The following ZNF148 variants were observed in gnomAD, a reference collection of about 807,000 sequenced individuals.
ZNF148 encodes the protein zinc finger protein 148.
Under a neutral mutation model 67.7 loss-of-function variants are expected in ZNF148, and 7 were observed. The ratio of observed to expected loss-of-function variants is 0.10; its 90% confidence interval spans 0.06 to 0.19. The LOEUF is 0.19. Among genes scored for constraint, ZNF148 ranks in the 10% least tolerant of loss-of-function variants. The pLI is 1.00. For missense variants in ZNF148, 583 were observed against 947.1 expected, an observed-to-expected ratio of 0.62 and a Z score of 5.05; for synonymous variants, 333 against 330.7, an observed-to-expected ratio of 1.01 and a Z score of -0.08.
chr3:125,272,450 A>ACAT (rs1491332352), intron 7 of ZNF148, among the ~76,000 whole-genome samples: 1 of 152,236 alleles, frequency 6.6e-6, no homozygotes, highest in Non-Finnish European at 1.5e-5. Context: ...TACATAAAAT[A>ACAT]CATACACTTA....
Position 125,231,171 on chromosome 3 carries a change from T to TA in ZNF148, c.*1169dup, listed in dbSNP as rs983877352. ...GTGTTCATTAAAAAGTAACTCAAGA[T>TA]AAAATATGCAATTAAAATGCCCATT... is the stretch of plus-strand genomic sequence containing the variant. On this transcript the variant is annotated 3_prime_UTR_variant, in exon 9 of 9. Coordinates refer to ENST00000360647, the MANE Select transcript of ZNF148 (RefSeq NM_021964.3). 8.5e-5 allele frequency: 13 copies of TA among 152,500 alleles called. No homozygotes were observed. Among genetic ancestry groups the TA allele is most frequent in the African/African-American group, 3.1e-4 (13 of 41,424 alleles). The allele number at this position is 152,500 out of a possible 1,614,324, so 9.4% of individuals were successfully genotyped here.
At chr3:125,308,403 A>G (rs1481157499) in intron 4 of ZNF148, among the ~76,000 whole-genome samples, 1 of 152,124 alleles carries the variant, frequency 6.6e-6, no homozygotes, top group Non-Finnish European at 1.5e-5. Context: ...AAGAAAACCT[A>G]AATAAAAGTA....
chr3:125,268,619 G>A (rs1190409314), intron 7 of ZNF148, among the ~76,000 whole-genome samples: 2 of 152,092 alleles, frequency 1.3e-5, no homozygotes, highest in African/African-American at 4.8e-5. Context: ...GAAAACCTAG[G>A]AAATACCCTT....
At position 125,359,884 on chromosome 3, in the gene ZNF148, C is replaced by T. The variant is rs919919761; in HGVS notation, c.-234+15218G>A. Among the ~76,000 whole-genome samples the T allele has an allele frequency of 3.9e-5, 6 of 152,344 alleles. No individual in the cohort carries two copies. In the East Asian group the frequency reaches 7.7e-4, roughly 20 times the overall value. On this transcript the variant is annotated intron_variant, in intron 1 of 8. Coordinates refer to ENST00000360647, the MANE Select transcript of ZNF148 (RefSeq NM_021964.3). ...AGACCCAAGTGGGCGGCAGCCCACC[C>T]GCCACCATGCAGCTCCACGCCGCTG...
chr3:125,330,790 GTT>G (rs1471053291), intron 2 of ZNF148, among the ~76,000 whole-genome samples: 1 of 152,102 alleles, frequency 6.6e-6, no homozygotes, highest in East Asian at 1.9e-4. Context: ...CTTCTTTCAT[GTT>G]GTGTGAAAGA....
At chr3:125,244,440 T>C (rs766108593) in intron 7 of ZNF148, among the ~76,000 whole-genome samples, 1 of 152,196 alleles carries the variant, frequency 6.6e-6, no homozygotes, top group African/African-American at 2.4e-5. Flanking sequence ...CATATCAAAA[T>C]GGTTCTTGTA....
intron 1 of ZNF148, among the ~76,000 whole-genome samples, chr3:125,368,985 G>C (rs117649715): frequency 0.025 from 3,723 of 150,368 alleles, 82 homozygotes; most frequent in South Asian, 0.12. Context: ...TCTTGGGCTC[G>C]GCGCAGTGGC....
At chr3:125,255,516 G>T (rs1364681685) in intron 7 of ZNF148, among the ~76,000 whole-genome samples, 1 of 151,848 alleles carries the variant, frequency 6.6e-6, no homozygotes, top group African/African-American at 2.4e-5. Flanking sequence ...CAAAGTGCTG[G>T]GATTACAGGC....
intron 4 of ZNF148, among the ~76,000 whole-genome samples, chr3:125,305,101 T>C (rs1327816604): frequency 1.3e-5 from 2 of 152,140 alleles, no homozygotes; most frequent in African/African-American, 4.8e-5. Context: ...ATAAATAAAG[T>C]GTGATAAGGA....
intron 2 of ZNF148, 21 bp downstream of exon 2, chr3:125,331,137 A>T (rs1941273415): frequency 2.5e-6 from 1 of 398,436 alleles, no homozygotes; most frequent in East Asian, 3.6e-5. Context: ...TTAAAGATTG[A>T]CTCAAAGAAT....
chr3:125,264,103 C>T (rs747447787), intron 7 of ZNF148, among the ~76,000 whole-genome samples: 1 of 152,248 alleles, frequency 6.6e-6, no homozygotes, highest in Non-Finnish European at 1.5e-5. Context: ...GGGACCCTTC[C>T]AGACCTTGTC....
chr3:125,349,125 A>G (rs1381592077), intron 1 of ZNF148, among the ~76,000 whole-genome samples: 1 of 152,242 alleles, frequency 6.6e-6, no homozygotes, highest in Non-Finnish European at 1.5e-5. Context: ...CTGAAACTGT[A>G]AAACTCCTAG....
rs1279195259 is a variant in ZNF148, at chr3:125,329,045, G to GA, written c.-153+2112dup. ...TCTGTACATGTATAGAAATTGTCTGGAAGGATATACAATGATTATACTGAA... is the reference window on the plus strand; with the variant it reads ...TCTGTACATGTATAGAAATTGTCTGGAAAGGATATACAATGATTATACTGAA... On this transcript the variant is annotated intron_variant, in intron 2 of 8. Transcript: ENST00000360647. Among the ~76,000 whole-genome samples the GA allele has an allele frequency of 2.0e-5, 3 of 150,604 alleles. No individual in the cohort carries two copies. The Admixed American group carries it at 2.0e-4, about 10-fold the overall frequency.
At chr3:125,369,988 A>C (rs999401011) in intron 1 of ZNF148, among the ~76,000 whole-genome samples, 1 of 152,126 alleles carries the variant, frequency 6.6e-6, no homozygotes, top group Admixed American at 6.5e-5. Context: ...GTCTCAAAAA[A>C]AAAAAAATTG....
intron 4 of ZNF148, among the ~76,000 whole-genome samples, chr3:125,293,918 C>T (rs1939151299): frequency 6.6e-6 from 1 of 152,088 alleles, no homozygotes; most frequent in Non-Finnish European, 1.5e-5. Context: ...CAAAGTATCT[C>T]CTCCAAGATT....
At chr3:125,369,713 A>G (rs546130565) in intron 1 of ZNF148, among the ~76,000 whole-genome samples, 90 of 152,216 alleles carry the variant, frequency 5.9e-4, no homozygotes, top group Non-Finnish European at 1.1e-3. Context: ...TTCTCTCTCA[A>G]AAGAATGTAA....
intron 2 of ZNF148, among the ~76,000 whole-genome samples, chr3:125,326,008 A>G (rs977887239): frequency 6.6e-6 from 1 of 152,244 alleles, no homozygotes; most frequent in Non-Finnish European, 1.5e-5. Context: ...GGGAAATCAC[A>G]TATTCAAAAA....
intron 4 of ZNF148, among the ~76,000 whole-genome samples, chr3:125,290,942 A>G (rs916136824): frequency 6.6e-6 from 1 of 152,150 alleles, no homozygotes; most frequent in African/African-American, 2.4e-5. Context: ...CCCCCCTTTT[A>G]ACTTTTTCTT....
chr3:125,266,336 T>G (rs1937529255), intron 7 of ZNF148, among the ~76,000 whole-genome samples: 1 of 152,050 alleles, frequency 6.6e-6, no homozygotes, highest in African/African-American at 2.4e-5. Context: ...AAATCAAGTC[T>G]CAATAAATTC....
Sources: gnomAD v4.1 joint callset for allele counts (sites outside exome capture counted in the v4.1 genomes callset) on GRCh38, gnomAD v4.1.1 for gene constraint, MANE v1.5 for transcripts, NCBI Gene and HGNC (gene_info 2026-07-23, HGNC 2026-07-21) for gene names.